The following TBL1XR1 variants were observed in gnomAD, a reference collection of about 807,000 sequenced individuals.
The protein encoded by TBL1XR1 is TBL1X/Y related 1.
Under a neutral mutation model 66.9 loss-of-function variants are expected in TBL1XR1, and 5 were observed. The ratio of observed to expected loss-of-function variants is 0.07; its 90% CI spans 0.04 to 0.16. The LOEUF (loss-of-function observed/expected upper bound fraction) is 0.16. Among genes scored for constraint, TBL1XR1 ranks in the 10% least tolerant of loss-of-function variants. The probability of loss-of-function intolerance (pLI) is 1.00; values close to 1 mark genes in which losing one functional copy is unlikely to be tolerated. For missense variants in TBL1XR1, 238 were observed against 623.2 expected (o/e 0.38, Z 6.58); for synonymous variants, 210 against 206.0 (o/e 1.02, Z -0.17).
intron 1 of TBL1XR1, among the ~76,000 whole-genome samples, chr3:177,171,147 C>T (rs1733441455): frequency 6.6e-6 from 1 of 151,150 alleles, no homozygotes; most frequent in Non-Finnish European, 1.5e-5. Flanking sequence ...TTAAGACACA[C>T]CTGACCAATA....
chr3:177,139,855 A>C (rs1024168019), intron 1 of TBL1XR1, among the ~76,000 whole-genome samples: 9 of 152,156 alleles, frequency 5.9e-5, no homozygotes, highest in African/African-American at 2.2e-4. Context: ...CAAATTAAAA[A>C]TACCTGTAGT....
intron 14 of TBL1XR1, chr3:177,032,460 A>G (rs1006905385): frequency 6.6e-5 from 10 of 152,298 alleles, no homozygotes; most frequent in African/African-American, 2.2e-4. Flanking sequence ...TACATAGAGC[A>G]AAAAACTAAA....
intron 1 of TBL1XR1, among the ~76,000 whole-genome samples, chr3:177,182,547 T>A (rs995198198): frequency 1.3e-5 from 2 of 152,086 alleles, no homozygotes; most frequent in African/African-American, 4.8e-5. Flanking sequence ...CAGAGCCTCA[T>A]AGGATTCAAC....
At chr3:177,044,072 G>A (rs977969689) in intron 10 of TBL1XR1, among the ~76,000 whole-genome samples, 2 of 151,962 alleles carry the variant, frequency 1.3e-5, no homozygotes, top group Non-Finnish European at 1.5e-5. Context: ...TGTTCTCTGC[G>A]TTTTTGGATA....
In TBL1XR1 at chr3:177,024,630, T is replaced by TGCCCTTC. The variant is rs1712826651; in HGVS notation, c.*861_*867dup. On this transcript the variant is annotated 3_prime_UTR_variant, in exon 16 of 16. Coordinates refer to ENST00000457928, the MANE Select transcript of TBL1XR1 (RefSeq NM_024665.7). ...TCTATGGTAATTAAAAAAAAAGTTGTGCCCTTCTAGTCTTTAATTGGCAGA... is the reference window on the plus strand; with the variant it reads ...TCTATGGTAATTAAAAAAAAAGTTGTGCCCTTCGCCCTTCTAGTCTTTAATTGGCAGA... 6.7e-6 allele frequency: 1 copy of TGCCCTTC among 149,102 alleles called. No homozygotes were observed. The highest frequency in any genetic ancestry group is 2.5e-5 in the African/African-American group (1 of 40,474). 9.2% of individuals were successfully genotyped at this position (149,102 alleles called of 1,614,324 possible).
intron 14 of TBL1XR1, among the ~76,000 whole-genome samples, chr3:177,029,598 G>C (rs1713648615): frequency 6.6e-6 from 1 of 152,072 alleles, no homozygotes; most frequent in South Asian, 2.1e-4. Context: ...TCCAGCCTAG[G>C]CGACATAGTG....
rs907673254 is a variant in TBL1XR1 at position 177,055,562 on chromosome 3, G to C, written c.59-1644C>G. ...CCAATCGGGGGGCGGGGCGGGGGTG[G>C]GGGGGTGGGGGCGGAGAAGCACCGT... On this transcript the variant is annotated intron_variant, in intron 3 of 15. Transcript: ENST00000457928. Among the ~76,000 whole-genome samples, 8 of 150,638 alleles carry C rather than the reference G, an allele frequency of 5.3e-5. No individual in the cohort carries two copies. The East Asian group carries it at 1.6e-3, about 30-fold the overall frequency.
intron 12 of TBL1XR1, among the ~76,000 whole-genome samples, chr3:177,034,999 C>G (rs1714564202): frequency 6.6e-6 from 1 of 152,022 alleles, no homozygotes; most frequent in African/African-American, 2.4e-5. Flanking sequence ...CTCCTTAACA[C>G]ATACACATAC....
intron 1 of TBL1XR1, among the ~76,000 whole-genome samples, chr3:177,118,926 A>G (rs1577222679): frequency 6.6e-6 from 1 of 152,180 alleles, no homozygotes; most frequent in East Asian, 1.9e-4. Flanking sequence ...ACCTATAGAA[A>G]GTATAAGCTC....
chr3:177,192,089 T>A (rs1319977152), intron 1 of TBL1XR1, among the ~76,000 whole-genome samples: 2 of 110,282 alleles, frequency 1.8e-5, no homozygotes. Flanking sequence ...CAAGACTCTG[T>A]CTCAAAAAAA....
chr3:177,125,684 C>G (rs966815785), intron 1 of TBL1XR1, among the ~76,000 whole-genome samples: 1 of 151,968 alleles, frequency 6.6e-6, no homozygotes, highest in Admixed American at 6.6e-5. Context: ...ATAAAACAGC[C>G]AGTATACTTG....
intron 1 of TBL1XR1, among the ~76,000 whole-genome samples, chr3:177,129,033 G>A (rs1727979127): frequency 6.6e-6 from 1 of 152,088 alleles, no homozygotes; most frequent in East Asian, 1.9e-4. Context: ...CATTTTTAGA[G>A]GTGGTTTTTG....
intron 1 of TBL1XR1, among the ~76,000 whole-genome samples, chr3:177,175,736 T>C (rs1312452158): frequency 6.6e-6 from 1 of 152,136 alleles, no homozygotes; most frequent in African/African-American, 2.4e-5. Flanking sequence ...CATTTACTTA[T>C]TTTGGTGACC....
At chr3:177,034,176 A>G in intron 13 of TBL1XR1, 22 bp downstream of exon 13, 1 of 1,596,718 alleles carries the variant, frequency 6.3e-7, no homozygotes, top group Non-Finnish European at 8.5e-7. Context: ...TCATAAAAGG[A>G]AAAATGAAAC....
At chr3:177,047,225 G>T in intron 9 of TBL1XR1, 75 bp downstream of exon 9, 1 of 1,202,608 alleles carries the variant, frequency 8.3e-7, no homozygotes, top group Non-Finnish European at 1.2e-6. Flanking sequence ...TATGTAATTG[G>T]CAGCTAAGAC....
At chr3:177,034,883 T>A (rs928912661) in intron 12 of TBL1XR1, among the ~76,000 whole-genome samples, 5 of 152,050 alleles carry the variant, frequency 3.3e-5, no homozygotes, top group South Asian at 2.1e-4. Flanking sequence ...TGTATAGATT[T>A]CAAGTGACTA....
chr3:177,188,492 A>G (rs1245203736), intron 1 of TBL1XR1, among the ~76,000 whole-genome samples: 4 of 152,088 alleles, frequency 2.6e-5, no homozygotes, highest in African/African-American at 9.7e-5. Flanking sequence ...GGGTGCAGTG[A>G]GCCAAAATTG....
chr3:177,144,439 T>C (rs1307952075), intron 1 of TBL1XR1, among the ~76,000 whole-genome samples: 1 of 152,042 alleles, frequency 6.6e-6, no homozygotes, highest in African/African-American at 2.4e-5. Flanking sequence ...ACTACTCAAC[T>C]GTGTAGTTGT....
intron 1 of TBL1XR1, among the ~76,000 whole-genome samples, chr3:177,164,995 G>A (rs574270372): frequency 2.0e-5 from 3 of 152,048 alleles, no homozygotes; most frequent in Admixed American, 6.5e-5. Context: ...ATGTATGATA[G>A]TACTACATTT....
Sources: allele counts gnomAD v4.1 joint callset (sites outside exome capture counted in the v4.1 genomes callset), GRCh38; gene constraint gnomAD v4.1.1; transcripts MANE v1.5; gene names NCBI Gene and HGNC (gene_info 2026-07-23, HGNC 2026-07-21).